LIMCH1: variants seen among roughly 807,000 people sequenced by gnomAD.
The protein encoded by LIMCH1 is LIM and calponin homology domains 1.
LIMCH1 carries 113 observed loss-of-function variants against 176.5 expected under a neutral mutation model. The ratio of observed to expected loss-of-function variants is 0.64; its 90% CI spans 0.55 to 0.75. The LOEUF (loss-of-function observed/expected upper bound fraction) is 0.75. Ranked by LOEUF, LIMCH1 falls within the 30% of genes least tolerant of loss-of-function variation. The pLI is 0.00. For missense variants in LIMCH1, 1,674 were observed against 1,814.9 expected (o/e 0.92, Z 1.41); for synonymous variants, 619 against 645.9 (o/e 0.96, Z 0.63).
At chr4:41,696,248 C>T (rs553179733) in intron 31 of LIMCH1, among the ~76,000 whole-genome samples, 19 of 152,126 alleles carry the variant, frequency 1.2e-4, no homozygotes, top group South Asian at 4.1e-4. Flanking sequence ...TACATCAAGC[C>T]GTCACATGTT....
intron 1 of LIMCH1, among the ~76,000 whole-genome samples, chr4:41,377,764 G>A (rs191297821): frequency 1.3e-5 from 2 of 152,280 alleles, no homozygotes; most frequent in African/African-American, 2.4e-5. Context: ...AAGATGTTGC[G>A]GGGCATCACA....
upstream of LIMCH1, among the ~76,000 whole-genome samples, chr4:41,360,137 G>C (rs183240745): frequency 1.3e-5 from 2 of 152,038 alleles, no homozygotes; most frequent in East Asian, 1.9e-4. This position sits in a 1 kb window ranked among gnomAD's most constrained non-coding sequence, Gnocchi z 4.5. Context: ...TGACTGCATC[G>C]ACAGACTAGG....
chr4:41,402,771 A>G (rs981476081), intron 1 of LIMCH1, among the ~76,000 whole-genome samples: 9 of 146,706 alleles, frequency 6.1e-5, no homozygotes, highest in East Asian at 2.1e-4. Context: ...ATGAGAATTG[A>G]ACAATGAGAA....
intron 1 of LIMCH1, among the ~76,000 whole-genome samples, chr4:41,557,823 T>C (rs545097683): frequency 6.6e-6 from 1 of 152,260 alleles, no homozygotes; most frequent in African/African-American, 2.4e-5. Flanking sequence ...GTGGCTACAA[T>C]CAGTGTGGGC....
intron 1 of LIMCH1, among the ~76,000 whole-genome samples, chr4:41,457,578 G>A (rs2064771477): frequency 6.6e-6 from 1 of 152,086 alleles, no homozygotes; most frequent in Non-Finnish European, 1.5e-5. Flanking sequence ...AGTGGCCCAG[G>A]GAGGCTAAGT....
At chr4:41,444,540 A>G (rs1044660793) in intron 1 of LIMCH1, among the ~76,000 whole-genome samples, 9 of 152,240 alleles carry the variant, frequency 5.9e-5, no homozygotes, top group African/African-American at 2.2e-4. Flanking sequence ...TTCATTGGCC[A>G]ACACAATGGC....
At chr4:41,556,325 G>A (rs943625660) in intron 1 of LIMCH1, among the ~76,000 whole-genome samples, 51 of 148,384 alleles carry the variant, frequency 3.4e-4, no homozygotes, top group Admixed American at 2.4e-3. Flanking sequence ...AACCTGGGAG[G>A]CAGAGGTTGC....
chr4:41,689,677 T>C (rs1306287489), intron 30 of LIMCH1, 42 bp downstream of exon 30: 1 of 1,241,828 alleles, frequency 8.1e-7, no homozygotes, highest in Non-Finnish European at 1.2e-6. Flanking sequence ...AACTTCATGA[T>C]GTCTTTTGGC....
rs191601255 is a variant in LIMCH1, at chr4:41,449,928, C to T, written c.97-44608C>T. 4.6e-5 allele frequency among the ~76,000 whole-genome samples: 7 copies of T among 152,312 alleles called. No individual in the cohort carries two copies. The East Asian group carries it at 1.4e-3, about 29-fold the overall frequency. ...GGCTTCTTGGCCTTCTTCAGGTTCA[C>T]CTGACATTCTCCCCATATGCCTGCC... On this transcript the variant is annotated intron_variant, in intron 1 of 26. Transcript: ENST00000313860.
chr4:41,516,454 C>T (rs986078658), intron 2 of LIMCH1, among the ~76,000 whole-genome samples: 2 of 152,174 alleles, frequency 1.3e-5, no homozygotes, highest in East Asian at 1.9e-4. Context: ...CCAAATCTAC[C>T]GCTTAGGAGC....
At chr4:41,573,243 A>G (rs1300549836) in intron 1 of LIMCH1, among the ~76,000 whole-genome samples, 3 of 152,390 alleles carry the variant, frequency 2.0e-5, no homozygotes, top group African/African-American at 7.2e-5. Flanking sequence ...GAGAAAGTCA[A>G]CAGCATCAAC....
chr4:41,555,340 C>G (rs2081088183), intron 1 of LIMCH1, among the ~76,000 whole-genome samples: 1 of 152,172 alleles, frequency 6.6e-6, no homozygotes, highest in Non-Finnish European at 1.5e-5. Flanking sequence ...TGAAGCCTAT[C>G]AAAGCTTTCT....
At chr4:41,687,801 T>G in intron 28 of LIMCH1, 39 bp from the exon 29 acceptor site, 1 of 1,359,108 alleles carries the variant, frequency 7.4e-7, no homozygotes, top group Non-Finnish European at 1.0e-6. Flanking sequence ...TGGCTTCTCT[T>G]TGCTTGTCAT....
chr4:41,460,455 C>CAT lies in LIMCH1; in HGVS notation c.97-34080_97-34079dup, dbSNP rs1302547339. Reference sequence around the variant, plus strand: ...GGTAAATTTGTTCCACTATAGTAATCATCTATATATATATATATATATATC... The same window carrying CAT: ...GGTAAATTTGTTCCACTATAGTAATCATATCTATATATATATATATATATATC... On this transcript the variant is annotated intron_variant, in intron 1 of 26. Transcript: ENST00000313860. Among the ~76,000 whole-genome samples the CAT allele has an allele frequency of 7.3e-4, 67 of 92,178 alleles. 4 individuals carry two copies. The highest frequency in any genetic ancestry group is 2.6e-3 in the African/African-American group (45 of 17,154). 60.5% of individuals were successfully genotyped at this position (92,178 alleles called of 152,430 possible). A position where few individuals can be genotyped will look rare whatever the true frequency, so the allele number is the denominator to read the frequency against.
chr4:41,585,996 C>A (rs191164151), intron 1 of LIMCH1, among the ~76,000 whole-genome samples: 94 of 142,004 alleles, frequency 6.6e-4, no homozygotes, highest in South Asian at 1.3e-3. Flanking sequence ...CGCTTCTCTT[C>A]TGTCTTCTTT....
At chr4:41,466,781 A>T (rs1409627075) in intron 1 of LIMCH1, among the ~76,000 whole-genome samples, 2 of 152,140 alleles carry the variant, frequency 1.3e-5, no homozygotes, top group African/African-American at 4.8e-5. Context: ...ATAACATAAC[A>T]TTTACCATTT....
chr4:41,389,588 C>T (rs529237668), intron 1 of LIMCH1: 2 of 153,002 alleles, frequency 1.3e-5, no homozygotes, highest in South Asian at 2.1e-4. Flanking sequence ...ATGCACAGCT[C>T]GTTAAGTACA....
intron 2 of LIMCH1, among the ~76,000 whole-genome samples, chr4:41,602,830 C>T (rs1043614926): frequency 6.6e-6 from 1 of 151,878 alleles, no homozygotes; most frequent in Non-Finnish European, 1.5e-5. Flanking sequence ...CAACAACAAA[C>T]CCTAGCAGAT....
chr4:41,433,451 A>G (rs912411223), intron 1 of LIMCH1, among the ~76,000 whole-genome samples: 16 of 152,190 alleles, frequency 1.1e-4, no homozygotes, highest in African/African-American at 3.6e-4. Context: ...GACTAGTTCA[A>G]TTCTGTTCCA....
Sources: allele counts gnomAD v4.1 joint callset (sites outside exome capture counted in the v4.1 genomes callset), GRCh38; gene constraint gnomAD v4.1.1; non-coding constraint Gnocchi (gnomAD v3.1); transcripts MANE v1.5; gene names NCBI Gene and HGNC (gene_info 2026-07-23, HGNC 2026-07-21).